The following HAPLN1 variants were observed in gnomAD, a reference collection of about 807,000 sequenced individuals.
HAPLN1 encodes hyaluronan and proteoglycan link protein 1.
In HAPLN1, 13 loss-of-function variants were observed where a neutral mutation model predicts 36.5. The ratio of observed to expected loss-of-function variants is 0.36; its 90% CI spans 0.23 to 0.57. HAPLN1 has a LOEUF of 0.57. HAPLN1 is among the 20% of genes least tolerant of loss of function. HAPLN1 has a pLI of 0.83. For synonymous variants in HAPLN1, 202 were observed against 169.8 expected (o/e 1.19, Z -1.48); for missense variants, 407 against 439.7 (o/e 0.93, Z 0.66).
At chr5:83,718,835 A>T (rs1751966250) in intron 1 of HAPLN1, among the ~76,000 whole-genome samples, 1 of 152,238 alleles carries the variant, frequency 6.6e-6, no homozygotes, top group Non-Finnish European at 1.5e-5. Flanking sequence ...AATGAAAAAG[A>T]AAACTAGTAT....
At chr5:83,665,284 CATCTAGAAAGAAA>C (rs1750521397) in intron 2 of HAPLN1, among the ~76,000 whole-genome samples, 1 of 152,088 alleles carries the variant, frequency 6.6e-6, no homozygotes, top group African/African-American at 2.4e-5. Context: ...CAAATATAGT[CATCTAGAAAGAAA>C]ATATATTCGT....
At chr5:83,696,223 G>A (rs951597557) in intron 1 of HAPLN1, among the ~76,000 whole-genome samples, 1 of 152,010 alleles carries the variant, frequency 6.6e-6, no homozygotes, top group Non-Finnish European at 1.5e-5. Context: ...ATTGTACTCT[G>A]AAAGTTAAAA....
intron 1 of HAPLN1, among the ~76,000 whole-genome samples, chr5:83,707,799 C>A (rs901284581): frequency 6.6e-6 from 1 of 152,132 alleles, no homozygotes; most frequent in African/African-American, 2.4e-5. Flanking sequence ...AAACAACCTG[C>A]AGAATGGGAG....
At chr5:83,674,040 G>GA (rs1750797035) in intron 1 of HAPLN1, 1 of 153,114 alleles carries the variant, frequency 6.5e-6, no homozygotes, top group South Asian at 2.1e-4. Context: ...GGCTTCCTAA[G>GA]AAGGTTAGAC....
intron 2 of HAPLN1, among the ~76,000 whole-genome samples, chr5:83,672,463 C>T (rs1207400629): frequency 6.6e-6 from 1 of 152,168 alleles, no homozygotes; most frequent in Non-Finnish European, 1.5e-5. Context: ...AGAGATGTGT[C>T]TAAAATAGCT....
intron 2 of HAPLN1, among the ~76,000 whole-genome samples, chr5:83,663,506 T>C (rs996713491): frequency 6.6e-6 from 1 of 152,148 alleles, no homozygotes; most frequent in African/African-American, 2.4e-5. Flanking sequence ...GGTCCCATAG[T>C]TATAAATACC....
In HAPLN1 at chr5:83,652,517, T is replaced by C. The variant is rs150498230; in HGVS notation, c.408A>G (p.Arg136=). ...ATCCTTCAATCACCTCACACTTATA[T>C]CTCCCATAATCTTCCAGAGTGAGGT... is the stretch of plus-strand genomic sequence containing the variant. ...ITDLTLEDYG[R]YKCEVIEGLE... The change falls in exon 3 of 5, where the codon AGA becomes AGG. Residue 136 remains arginine, a synonymous_variant. Transcript: ENST00000274341. The C allele has an allele frequency of 4.7e-5, 76 of 1,613,908 alleles. No homozygotes were observed. Among genetic ancestry groups the C allele is most frequent in the Non-Finnish European group, 6.3e-5 (74 of 1,179,914 alleles).
intron 2 of HAPLN1, among the ~76,000 whole-genome samples, chr5:83,658,135 T>C (rs986067784): frequency 5.3e-5 from 8 of 152,068 alleles, no homozygotes; most frequent in African/African-American, 1.9e-4. Context: ...ATGCACAAGG[T>C]TTTAAAAACA....
intron 2 of HAPLN1, among the ~76,000 whole-genome samples, chr5:83,654,997 C>T (rs1278502965): frequency 1.3e-5 from 2 of 152,208 alleles, no homozygotes; most frequent in Admixed American, 6.5e-5. Flanking sequence ...ACTGTTCCTA[C>T]TGCATAGATT....
chr5:83,685,017 TCTCA>T (rs1751087568), intron 1 of HAPLN1, among the ~76,000 whole-genome samples: 1 of 152,214 alleles, frequency 6.6e-6, no homozygotes, highest in Admixed American at 6.5e-5. Context: ...GCTATTGGAT[TCTCA>T]CTCATTCTTT....
rs982880978 is a variant in HAPLN1 at position 83,638,176 on chromosome 5, A to G, written c.*3320T>C. 2 of 152,000 alleles carry G rather than the reference A, an allele frequency of 1.3e-5. No homozygotes were observed. Among genetic ancestry groups the G allele is most frequent in the African/African-American group, 4.8e-5 (2 of 41,430 alleles). 9.4% of individuals were successfully genotyped at this position (152,000 alleles called of 1,614,324 possible). A position where few individuals can be genotyped will look rare whatever the true frequency, so the allele number is the denominator to read the frequency against. On this transcript the variant is annotated 3_prime_UTR_variant, in exon 5 of 5. Transcript: ENST00000274341. Reference sequence around the variant, plus strand: ...AAAGAAAAATAGCTAAGATTCTACAACTCAGAAGAATTAAAAGATACTGCA... The same window carrying G: ...AAAGAAAAATAGCTAAGATTCTACAGCTCAGAAGAATTAAAAGATACTGCA...
At chr5:83,660,461 C>T (rs1026754524) in intron 2 of HAPLN1, among the ~76,000 whole-genome samples, 4 of 152,122 alleles carry the variant, frequency 2.6e-5, no homozygotes, top group East Asian at 1.9e-4. Flanking sequence ...ATCTTATAAA[C>T]GTGAGCCTCT....
chr5:83,708,209 G>C (rs1236350176), intron 1 of HAPLN1, among the ~76,000 whole-genome samples: 2 of 152,204 alleles, frequency 1.3e-5, no homozygotes, highest in Non-Finnish European at 2.9e-5. Context: ...TCCCAGTACT[G>C]GGGATATACT....
chr5:83,640,000 G>A lies in HAPLN1; in HGVS notation c.*1496C>T, dbSNP rs1417189764. 1 of 152,070 alleles carries A rather than the reference G, an allele frequency of 6.6e-6. No individual in the cohort carries two copies. The highest frequency in any genetic ancestry group is 6.6e-5 in the Admixed American group (1 of 15,266). The allele number at this position is 152,070 out of a possible 1,614,324, so 9.4% of individuals were successfully genotyped here. ...GCAACCACAATCCATTCAGGAAACA[G>A]ATTTATTTACTCATGTTCATGGGAG... On this transcript the variant is annotated 3_prime_UTR_variant, in exon 5 of 5. Coordinates refer to ENST00000274341, the MANE Select transcript of HAPLN1 (RefSeq NM_001884.4).
rs1749675681 is a variant in HAPLN1, at chr5:83,641,116, A to C, written c.*380T>G. 6.5e-6 allele frequency: 1 copy of C among 152,918 alleles called. No homozygotes were observed. Among genetic ancestry groups the C allele is most frequent in the Non-Finnish European group, 1.5e-5 (1 of 68,306 alleles). The allele number at this position is 152,918 out of a possible 1,614,324, so 9.5% of individuals were successfully genotyped here. On this transcript the variant is annotated 3_prime_UTR_variant, in exon 5 of 5. Transcript: ENST00000274341. ...TTATTGTAGTGCATTTCAAAATTGTACAAATGTGTAAAGTTTGTGCTTGTG... is the reference window on the plus strand; with the variant it reads ...TTATTGTAGTGCATTTCAAAATTGTCCAAATGTGTAAAGTTTGTGCTTGTG...
chr5:83,704,949 A>C (rs2112632860), intron 1 of HAPLN1, among the ~76,000 whole-genome samples: 1 of 152,360 alleles, frequency 6.6e-6, no homozygotes, highest in African/African-American at 2.4e-5. Flanking sequence ...ACAACAGAAT[A>C]TACATTTTTT....
chr5:83,711,598 GGACCCGTAGTTGA>G (rs748325657), intron 1 of HAPLN1, among the ~76,000 whole-genome samples: 12 of 152,144 alleles, frequency 7.9e-5, no homozygotes, highest in Non-Finnish European at 1.5e-4. Context: ...TCACTGCCCT[GGACCCGTAGTTGA>G]GAACAACAAA....
rs1015907456 is a variant in HAPLN1, at chr5:83,638,824, G to A, written c.*2672C>T. ...GTGTTAATGTGACCAACTTATTTTC[G>A]TTCTTATGTTGTCTTTTTATTTGAA... On this transcript the variant is annotated 3_prime_UTR_variant, in exon 5 of 5. Coordinates refer to ENST00000274341, the MANE Select transcript of HAPLN1 (RefSeq NM_001884.4). The A allele has an allele frequency of 2.0e-5, 3 of 151,946 alleles. No homozygotes were observed. Among genetic ancestry groups the A allele is most frequent in the African/African-American group, 4.8e-5 (2 of 41,398 alleles). 9.4% of individuals were successfully genotyped at this position (151,946 alleles called of 1,614,324 possible).
rs145159301 is a variant in HAPLN1 at position 83,671,594 on chromosome 5, T to C, written c.100+1830A>G. ...ACAGCTGGAATTATGGAAGGTCACTTGGAAGCAGTTTCTCTGAAGAACTAT... is the reference window on the plus strand; with the variant it reads ...ACAGCTGGAATTATGGAAGGTCACTCGGAAGCAGTTTCTCTGAAGAACTAT... On this transcript the variant is annotated intron_variant, in intron 2 of 4. Transcript: ENST00000274341. Among the ~76,000 whole-genome samples the C allele has an allele frequency of 6.7e-3, 1,017 of 152,328 alleles. 3 individuals carry two copies. The highest frequency in any genetic ancestry group is 9.2e-3 in the Non-Finnish European group (625 of 68,024).
Sources: gnomAD v4.1 joint callset for allele counts (sites outside exome capture counted in the v4.1 genomes callset) on GRCh38, gnomAD v4.1.1 for gene constraint, MANE v1.5 for transcripts, NCBI Gene and HGNC (gene_info 2026-07-23, HGNC 2026-07-21) for gene names.